The following UBE2D3 variants were observed in gnomAD, a reference collection of about 807,000 sequenced individuals.
The protein encoded by UBE2D3 is ubiquitin-conjugating enzyme E2 D3.
Under a neutral mutation model 22.8 loss-of-function variants are expected in UBE2D3, and 2 were observed. The ratio of observed to expected loss-of-function variants is 0.09; its 90% CI spans 0.04 to 0.28. UBE2D3 has a LOEUF of 0.28. Among genes scored for constraint, UBE2D3 ranks in the 10% least tolerant of loss-of-function variants. The probability of loss-of-function intolerance (pLI) is 1.00; values close to 1 mark genes in which losing one functional copy is unlikely to be tolerated. For missense variants in UBE2D3, 27 were observed against 182.5 expected (o/e 0.15, Z 4.91); for synonymous variants, 56 against 60.4 (o/e 0.93, Z 0.34).
intron 2 of UBE2D3, among the ~76,000 whole-genome samples, chr4:102,826,189 T>C (rs1420116576): frequency 6.6e-6 from 1 of 152,012 alleles, no homozygotes; most frequent in East Asian, 1.9e-4. Context: ...AACTCCTTCT[T>C]AAGCAGCAAA....
Position 102,797,406 on chromosome 4 carries a change from A to C in UBE2D3, c.*9T>G. The C allele has an allele frequency of 1.2e-6, 2 of 1,602,500 alleles. No homozygotes were observed. Among genetic ancestry groups the C allele is most frequent in the Non-Finnish European group, 1.7e-6 (2 of 1,172,936 alleles). On this transcript the variant is annotated 3_prime_UTR_variant, in exon 8 of 8. Transcript: ENST00000453744. ...CTATAATGCAGGTTATTCTGACTTTAAGGTAGCATCACATGGCATACTTCT... is the reference window on the plus strand; with the variant it reads ...CTATAATGCAGGTTATTCTGACTTTCAGGTAGCATCACATGGCATACTTCT...
At chr4:102,800,663 C>T (rs973501021) in intron 6 of UBE2D3, among the ~76,000 whole-genome samples, 2 of 151,940 alleles carry the variant, frequency 1.3e-5, no homozygotes, top group African/African-American at 4.8e-5. Context: ...TCTTTTTCTC[C>T]CTTAAGTGAT....
chr4:102,868,069 A>ATTTTT (rs1347875621), intron 1 of UBE2D3, among the ~76,000 whole-genome samples: 9 of 92,272 alleles, frequency 9.8e-5, no homozygotes, highest in South Asian at 3.3e-4. Context: ...AAGGCTTTAG[A>ATTTTT]TTCTTTTTTT....
chr4:102,855,495 C>A (rs1003863229), intron 1 of UBE2D3, among the ~76,000 whole-genome samples: 1 of 152,224 alleles, frequency 6.6e-6, no homozygotes, highest in African/African-American at 2.4e-5. Flanking sequence ...TAGTTCACTT[C>A]ATGCAGCCTT....
chr4:102,854,439 A>G (rs1022209956), intron 1 of UBE2D3, among the ~76,000 whole-genome samples: 4 of 151,980 alleles, frequency 2.6e-5, no homozygotes, highest in Non-Finnish European at 4.4e-5. Flanking sequence ...GGATTTGTCT[A>G]TTTCTCTTCG....
chr4:102,803,718 C>A (rs1454346935), intron 4 of UBE2D3, among the ~76,000 whole-genome samples: 1 of 152,104 alleles, frequency 6.6e-6, no homozygotes, highest in Admixed American at 6.6e-5. Context: ...GAAGAAAGGT[C>A]AATTTATTAA....
intron 2 of UBE2D3, among the ~76,000 whole-genome samples, chr4:102,822,749 C>G (rs1351626657): frequency 9.1e-5 from 4 of 43,942 alleles, no homozygotes; most frequent in Non-Finnish European, 1.6e-4. Context: ...TCCTGGTTAA[C>G]ACGGTGAAAC....
At chr4:102,837,180 G>C (rs1324227132) in intron 1 of UBE2D3, 1 of 152,136 alleles carries the variant, frequency 6.6e-6, no homozygotes, top group African/African-American at 2.4e-5. Context: ...ACAATTAAGA[G>C]TATAGGCAGT....
At chr4:102,825,874 A>G in intron 2 of UBE2D3, 1 of 443,324 alleles carries the variant, frequency 2.3e-6, no homozygotes, top group South Asian at 1.6e-5. Context: ...AAATACAGGA[A>G]GTGGCAACAC....
intron 1 of UBE2D3, among the ~76,000 whole-genome samples, chr4:102,839,514 C>T (rs1731622457): frequency 6.6e-6 from 1 of 152,208 alleles, no homozygotes; most frequent in African/African-American, 2.4e-5. Context: ...ATCAAGCAAC[C>T]TGCCCGCCTC....
rs180694639 is a variant in UBE2D3, at chr4:102,795,405, C to T, written c.*2010G>A. ...CTCAGAAGTAATTTTGAAAATAGAGCCAAAGAGCAGTTTTTCTTACCTTGT... is the reference window on the plus strand; with the variant it reads ...CTCAGAAGTAATTTTGAAAATAGAGTCAAAGAGCAGTTTTTCTTACCTTGT... On this transcript the variant is annotated 3_prime_UTR_variant, in exon 8 of 8. Transcript: ENST00000453744. 1.4e-4 allele frequency: 22 copies of T among 152,138 alleles called. No homozygotes were observed. The highest frequency in any genetic ancestry group is 1.3e-3 in the Admixed American group (20 of 15,250). The allele number at this position is 152,138 out of a possible 1,614,324, so 9.4% of individuals were successfully genotyped here. A position where few individuals can be genotyped will look rare whatever the true frequency, so the allele number is the denominator to read the frequency against.
At chr4:102,840,701 T>C (rs1285471984) in intron 1 of UBE2D3, among the ~76,000 whole-genome samples, 1 of 152,176 alleles carries the variant, frequency 6.6e-6, no homozygotes, top group Non-Finnish European at 1.5e-5. Flanking sequence ...TTTTGTATTT[T>C]AAAGTAGCTA....
chr4:102,826,956 AC>A, intron 1 of UBE2D3: 1 of 1,002,432 alleles, frequency 1.0e-6, no homozygotes. Flanking sequence ...TCGGCGCTAT[AC>A]CGGCGTCACT....
intron 1 of UBE2D3, chr4:102,827,129 C>A: frequency 1.0e-6 from 1 of 986,612 alleles, no homozygotes. Context: ...TTCTGTGTCA[C>A]CCCTGACGCC....
upstream of UBE2D3, chr4:102,827,820 G>A (rs1250035257): frequency 3.0e-6 from 3 of 986,440 alleles, no homozygotes; most frequent in Non-Finnish European, 3.6e-6. Flanking sequence ...AACGAGTGGC[G>A]GAAACCCTTA....
At chr4:102,799,050 A>C in intron 7 of UBE2D3, 2 of 1,467,982 alleles carry the variant, frequency 1.4e-6, no homozygotes, top group Non-Finnish European at 1.9e-6. Flanking sequence ...ACATAAATAT[A>C]ATTCAAATAT....
Position 102,809,248 on chromosome 4 carries a change from A to G in UBE2D3, c.120+424T>C, listed in dbSNP as rs531885240. 25 of 256,718 alleles carry G rather than the reference A, an allele frequency of 9.7e-5. No individual in the cohort carries two copies. The East Asian group carries it at 1.2e-3, about 13-fold the overall frequency. The allele number at this position is 256,718 out of a possible 1,614,324, so 15.9% of individuals were successfully genotyped here. A position where few individuals can be genotyped will look rare whatever the true frequency, so the allele number is the denominator to read the frequency against. On this transcript the variant is annotated intron_variant, in intron 4 of 7. Coordinates refer to ENST00000453744, the MANE Select transcript of UBE2D3 (RefSeq NM_181891.3). ...AATTTTGCATAAACTGAAGTTCTAT[A>G]AAGAATCAAATATCAAAATACAATT...
upstream of UBE2D3, chr4:102,827,554 T>C: frequency 2.0e-6 from 2 of 986,666 alleles, no homozygotes; most frequent in Non-Finnish European, 2.4e-6. Context: ...ACGGAACTAC[T>C]GCCAGCTGCC....
At chr4:102,835,636 T>G (rs1349195066) in intron 1 of UBE2D3, among the ~76,000 whole-genome samples, 1 of 152,248 alleles carries the variant, frequency 6.6e-6, no homozygotes, top group Admixed American at 6.5e-5. Flanking sequence ...GGAACTATGT[T>G]GTCTAGCATA....
Sources: allele counts gnomAD v4.1 joint callset (sites outside exome capture counted in the v4.1 genomes callset), GRCh38; gene constraint gnomAD v4.1.1; transcripts MANE v1.5; gene names NCBI Gene and HGNC (gene_info 2026-07-23, HGNC 2026-07-21).